Variants in PRTG observed in about 807,000 individuals in gnomAD.
The protein encoded by PRTG is immunoglobulin superfamily, DCC subclass, member 5.
PRTG carries 67 observed loss-of-function variants against 122.5 expected under a neutral mutation model. That is an observed-to-expected ratio of 0.55 (90% CI 0.45 to 0.67). The LOEUF (loss-of-function observed/expected upper bound fraction) is 0.67. Ranked by LOEUF, PRTG falls within the 30% of genes least tolerant of loss-of-function variation. PRTG has a pLI of 0.00. For synonymous variants in PRTG, 554 were observed against 501.1 expected (o/e 1.11, Z -1.41); for missense variants, 1,435 against 1,415.4 (o/e 1.01, Z -0.22).
intron 2 of PRTG, among the ~76,000 whole-genome samples, chr15:55,714,049 T>C (rs1322528001): frequency 6.6e-6 from 1 of 152,200 alleles, no homozygotes; most frequent in African/African-American, 2.4e-5. Context: ...CTGGTCCTCA[T>C]AGATATTTCT....
At position 55,664,864 on chromosome 15, in the gene PRTG, C is replaced by T. The variant is rs192372822; in HGVS notation, c.2041+7581G>A. Among the ~76,000 whole-genome samples the T allele has an allele frequency of 5.7e-3, 870 of 151,898 alleles. 2 individuals are homozygous for T. Among genetic ancestry groups the T allele is most frequent in the Non-Finnish European group, 0.01 (688 of 67,896 alleles). On this transcript the variant is annotated intron_variant, in intron 11 of 19. Coordinates refer to ENST00000389286, the MANE Select transcript of PRTG (RefSeq NM_173814.6). ...AGCCTCTCTAAGTGCTGGGATTATA[C>T]GTGTGAGCCACTGCACCTGGCAGAA...
chr15:55,659,913 C>A (rs2059400166), intron 11 of PRTG, among the ~76,000 whole-genome samples: 1 of 105,998 alleles, frequency 9.4e-6, no homozygotes, highest in African/African-American at 3.6e-5. Context: ...AGACAGACTT[C>A]AAAAAAAAGT....
intron 11 of PRTG, among the ~76,000 whole-genome samples, chr15:55,660,164 A>G (rs1013727944): frequency 2.0e-4 from 31 of 152,188 alleles, no homozygotes; most frequent in Admixed American, 1.3e-4. Flanking sequence ...TCCTCCAGGA[A>G]GCGTGGTCCT....
intron 9 of PRTG, 81 bp downstream of exon 9, chr15:55,675,438 C>G (rs1441749609): frequency 3.4e-5 from 35 of 1,042,752 alleles, no homozygotes; most frequent in Non-Finnish European, 4.7e-5. Context: ...AGGATATTTT[C>G]TTTAAAACAC....
At chr15:55,630,056 G>C (rs1392564959) in intron 15 of PRTG, among the ~76,000 whole-genome samples, 1 of 147,202 alleles carries the variant, frequency 6.8e-6, no homozygotes, top group Non-Finnish European at 1.5e-5. Flanking sequence ...GCACGATCTT[G>C]GCTCACTGTC....
intron 9 of PRTG, among the ~76,000 whole-genome samples, chr15:55,674,458 A>G (rs1354145935): frequency 6.6e-6 from 1 of 152,202 alleles, no homozygotes; most frequent in Non-Finnish European, 1.5e-5. Context: ...ATCTATCTTT[A>G]TTAGCCTGCT....
chr15:55,633,954 A>G (rs2059241966), intron 15 of PRTG, among the ~76,000 whole-genome samples: 1 of 152,180 alleles, frequency 6.6e-6, no homozygotes, highest in South Asian at 2.1e-4. Context: ...CTGTAACTGT[A>G]ATCCCTTTCA....
chr15:55,718,895 G>A lies in PRTG; in HGVS notation c.397+21487C>T, dbSNP rs540391544. On this transcript the variant is annotated intron_variant, in intron 2 of 19. Coordinates refer to ENST00000389286, the MANE Select transcript of PRTG (RefSeq NM_173814.6). ...GTAGCTGTGACTACAGGTGCACACCGTCATGCTCGGCTAATTTTTTTTTAT... is the reference window on the plus strand; with the variant it reads ...GTAGCTGTGACTACAGGTGCACACCATCATGCTCGGCTAATTTTTTTTTAT... Among the ~76,000 whole-genome samples, 15 of 151,122 alleles carry A rather than the reference G, an allele frequency of 9.9e-5. 1 individual carries two copies. The South Asian group carries it at 2.3e-3, about 23-fold the overall frequency.
intron 2 of PRTG, among the ~76,000 whole-genome samples, chr15:55,689,763 T>C (rs2141826477): frequency 6.6e-6 from 1 of 152,084 alleles, no homozygotes; most frequent in Admixed American, 6.5e-5. Context: ...CCGTCTCTAC[T>C]AAAAATACAA....
chr15:55,736,982 T>C (rs1156866552), intron 2 of PRTG, among the ~76,000 whole-genome samples: 3 of 152,222 alleles, frequency 2.0e-5, no homozygotes, highest in Non-Finnish European at 4.4e-5. Context: ...CGTGAGACCA[T>C]TTTACCACAC....
chr15:55,722,147 G>A (rs2030848975), intron 2 of PRTG, among the ~76,000 whole-genome samples: 1 of 152,288 alleles, frequency 6.6e-6, no homozygotes, highest in Non-Finnish European at 1.5e-5. Context: ...GGGAATCTAG[G>A]TGAAAGGTAT....
chr15:55,640,936 T>C (rs1309230751), intron 12 of PRTG, among the ~76,000 whole-genome samples, 177 bp downstream of exon 12: 1 of 151,662 alleles, frequency 6.6e-6, no homozygotes, highest in African/African-American at 2.4e-5. Context: ...GAGAATCGCT[T>C]GAACCCGGGA....
chr15:55,731,509 T>G (rs1364604388), intron 2 of PRTG, among the ~76,000 whole-genome samples: 2 of 151,956 alleles, frequency 1.3e-5, no homozygotes, highest in Non-Finnish European at 2.9e-5. Flanking sequence ...TAGCTGGGAT[T>G]ACAGGCACAC....
At chr15:55,739,610 C>T (rs772820266) in intron 2 of PRTG, among the ~76,000 whole-genome samples, 15 of 152,186 alleles carry the variant, frequency 9.9e-5, no homozygotes, top group Non-Finnish European at 1.5e-4. Flanking sequence ...AGATGTAAAG[C>T]CTCAGTGGGC....
chr15:55,738,025 T>TATATATAC (rs1464247830), intron 2 of PRTG, among the ~76,000 whole-genome samples: 1 of 95,686 alleles, frequency 1.0e-5, no homozygotes, highest in African/African-American at 4.0e-5. Flanking sequence ...TATATATATA[T>TATATATAC]ACACACACAC....
intron 17 of PRTG, among the ~76,000 whole-genome samples, chr15:55,626,631 G>A (rs1336649491): frequency 1.3e-5 from 2 of 151,284 alleles, no homozygotes; most frequent in Non-Finnish European, 2.9e-5. Flanking sequence ...GGTGGCGGGC[G>A]CCTGGAGTCC....
intron 2 of PRTG, among the ~76,000 whole-genome samples, chr15:55,700,846 C>T (rs1479529801): frequency 6.6e-6 from 1 of 152,130 alleles, no homozygotes. Context: ...CAGACTCTCC[C>T]ACAGACTTGG....
At chr15:55,627,492 G>GTTTTTTTTTTT (rs35022592) in intron 16 of PRTG, among the ~76,000 whole-genome samples, 7 of 104,774 alleles carry the variant, frequency 6.7e-5, no homozygotes, top group Admixed American at 1.0e-4. Context: ...GCCCAGCTAA[G>GTTTTTTTTTTT]TTTTTTTTTT....
Position 55,616,695 on chromosome 15 carries a change from T to C in PRTG, c.*3317A>G, listed in dbSNP as rs2059143278. ...AACTATATTTGCCTATATGCGGAGG[T>C]AACCTTAAATATCTTTGGTTTTTTT... On this transcript the variant is annotated 3_prime_UTR_variant, in exon 20 of 20. Coordinates refer to ENST00000389286, the MANE Select transcript of PRTG (RefSeq NM_173814.6). The C allele has an allele frequency of 1.3e-5, 2 of 152,154 alleles. No individual in the cohort carries two copies. The highest frequency in any genetic ancestry group is 2.1e-4 in the South Asian group (1 of 4,834). 9.4% of individuals were successfully genotyped at this position (152,154 alleles called of 1,614,324 possible).
Sources: allele counts gnomAD v4.1 joint callset (sites outside exome capture counted in the v4.1 genomes callset), GRCh38; gene constraint gnomAD v4.1.1; transcripts MANE v1.5; gene names NCBI Gene and HGNC (gene_info 2026-07-23, HGNC 2026-07-21).